The following EXTL3 variants were observed in gnomAD, a reference collection of about 807,000 sequenced individuals.
EXTL3 encodes the protein exostosin-like 3.
Under a neutral mutation model 69.3 loss-of-function variants are expected in EXTL3, and 27 were observed. The observed-to-expected ratio is 0.39, with a 90% CI of 0.29 to 0.54. The LOEUF (loss-of-function observed/expected upper bound fraction) is 0.54. Among genes scored for constraint, EXTL3 ranks in the 20% least tolerant of loss-of-function variants. The pLI is 0.69. For missense variants in EXTL3, 1,003 were observed against 1,231.8 expected, an observed-to-expected ratio of 0.81 and a Z score of 2.78; for synonymous variants, 511 against 499.4, an observed-to-expected ratio of 1.02 and a Z score of -0.31.
In EXTL3 at chr8:28,674,977, C is replaced by T. The variant is rs569078094; in HGVS notation, c.-52-38480C>T. ...CACCCCACCACTCCTCTTTGTTAGA[C>T]TTCAGTCCAGCAGCCCCTGAAGATG... On this transcript the variant is annotated intron_variant, in intron 1 of 6. Transcript: ENST00000523149. Among the ~76,000 whole-genome samples the T allele has an allele frequency of 2.0e-5, 3 of 152,304 alleles. No homozygotes were observed. The South Asian group carries it at 6.2e-4, about 32-fold the overall frequency.
intron 1 of EXTL3, among the ~76,000 whole-genome samples, chr8:28,632,740 G>A (rs890860440): frequency 2.0e-5 from 3 of 151,714 alleles, no homozygotes; most frequent in African/African-American, 7.3e-5. Context: ...TTTTAGTAGA[G>A]ACGGGGTTTC....
chr8:28,678,658 C>G (rs559147172), intron 1 of EXTL3, among the ~76,000 whole-genome samples: 19 of 152,258 alleles, frequency 1.2e-4, no homozygotes, highest in Non-Finnish European at 1.9e-4. Context: ...CCAAATAAAC[C>G]TTTTTTTCTT....
At chr8:28,669,990 C>T (rs1807259687) in intron 1 of EXTL3, among the ~76,000 whole-genome samples, 1 of 152,048 alleles carries the variant, frequency 6.6e-6, no homozygotes, top group South Asian at 2.1e-4. Context: ...AGGTGGATCA[C>T]CTGAGCCCAG....
intron 1 of EXTL3, among the ~76,000 whole-genome samples, chr8:28,650,546 C>T (rs971470997): frequency 2.6e-5 from 4 of 151,952 alleles, no homozygotes; most frequent in South Asian, 4.2e-4. Flanking sequence ...GTAGTAGAGA[C>T]GGGGTTTCAC....
chr8:28,745,306 G>A (rs7001199), intron 6 of EXTL3, among the ~76,000 whole-genome samples: 5,132 of 152,306 alleles, frequency 0.034, 277 homozygotes, highest in African/African-American at 0.12. Context: ...TGGCCCCTGC[G>A]TAGGATGTCA....
chr8:28,755,275 C>T lies in EXTL3; in HGVS notation c.*4409C>T, dbSNP rs1207953458. The T allele has an allele frequency of 6.6e-6, 1 of 152,468 alleles. No homozygotes were observed. The highest frequency in any genetic ancestry group is 6.5e-5 in the Admixed American group (1 of 15,286). 9.4% of individuals were successfully genotyped at this position (152,468 alleles called of 1,614,324 possible). A position where few individuals can be genotyped will look rare whatever the true frequency, so the allele number is the denominator to read the frequency against. On this transcript the variant is annotated 3_prime_UTR_variant, in exon 7 of 7. Transcript: ENST00000220562. ...TCCTATTAGAGCCCCCACGCTCTGT[C>T]GCCTCACCATGCTGTGTGCTGGCCA...
intron 1 of EXTL3, among the ~76,000 whole-genome samples, chr8:28,701,878 A>G (rs922202468): frequency 9.5e-4 from 144 of 152,114 alleles, no homozygotes; most frequent in African/African-American, 3.2e-3. Flanking sequence ...AGAGGCCGCC[A>G]GGCCCTCGGC....
intron 1 of EXTL3, among the ~76,000 whole-genome samples, chr8:28,641,280 C>T (rs1454152968): frequency 6.6e-6 from 1 of 152,210 alleles, no homozygotes; most frequent in East Asian, 1.9e-4. Flanking sequence ...CTGTATTAAC[C>T]GTTCCCTATT....
intron 1 of EXTL3, among the ~76,000 whole-genome samples, chr8:28,641,313 TCA>T (rs1491558315): frequency 6.6e-6 from 1 of 152,200 alleles, no homozygotes; most frequent in African/African-American, 2.4e-5. Context: ...TTTACAGGAC[TCA>T]CTGTTAACTT....
chr8:28,609,188 A>G (rs1806240993), intron 2 of EXTL3, among the ~76,000 whole-genome samples: 1 of 152,122 alleles, frequency 6.6e-6, no homozygotes, highest in Non-Finnish European at 1.5e-5. Context: ...GAGTGGGTAC[A>G]GTTGAGTTAG....
At chr8:28,664,855 T>C (rs1807169996) in intron 1 of EXTL3, among the ~76,000 whole-genome samples, 1 of 152,126 alleles carries the variant, frequency 6.6e-6, no homozygotes, top group African/African-American at 2.4e-5. Flanking sequence ...CAGCAGTCAG[T>C]GGACATTGTA....
chr8:28,612,205 G>A (rs1806281019), intron 2 of EXTL3, among the ~76,000 whole-genome samples: 1 of 152,194 alleles, frequency 6.6e-6, no homozygotes, highest in Admixed American at 6.5e-5. Flanking sequence ...TGTAATCCCA[G>A]CACTTTGGAA....
At chr8:28,642,804 T>C (rs1280233968) in intron 1 of EXTL3, among the ~76,000 whole-genome samples, 1 of 152,166 alleles carries the variant, frequency 6.6e-6, no homozygotes, top group Non-Finnish European at 1.5e-5. Context: ...AAAATTGACA[T>C]GCAGAAAATT....
intron 1 of EXTL3, among the ~76,000 whole-genome samples, chr8:28,695,546 T>G (rs186216470): frequency 7.9e-5 from 12 of 152,374 alleles, no homozygotes; most frequent in African/African-American, 2.9e-4. Context: ...CTCTCTATGC[T>G]GACTCTATTT....
intron 6 of EXTL3, among the ~76,000 whole-genome samples, chr8:28,746,591 G>A (rs1801893383): frequency 6.6e-6 from 1 of 152,102 alleles, no homozygotes; most frequent in South Asian, 2.1e-4. Flanking sequence ...TATTATAGTT[G>A]CTTCATTCTT....
rs1456641687 is a variant in EXTL3 at position 28,717,090 on chromosome 8, C to T, written c.1031C>T (p.Thr344Ile). Residue 344 changes from threonine to isoleucine, a missense_variant, in exon 3 of 7, where the codon ACC (threonine) becomes ATC (isoleucine). Thr to Ile is a moderately conservative substitution (Grantham distance 89). Transcript: ENST00000220562. This position sits in a 1 kb window ranked among gnomAD's most constrained non-coding sequence, Gnocchi z 8.3. ...QVPVKRKYLF[T>I]FQGEKIESLR... The stretch of plus-strand genomic sequence containing the variant: ...CCGGTGAAGCGGAAATATCTCTTCA[C>T]CTTCCAGGGCGAGAAGATTGAGTCT... 3.1e-6 allele frequency: 5 copies of T among 1,614,124 alleles called. No individual in the cohort carries two copies. In the East Asian group the frequency reaches 6.7e-5, roughly 22 times the overall value.
chr8:28,648,913 A>G lies in EXTL3; in HGVS notation c.-53+26103A>G, dbSNP rs1270772412. 7.9e-5 allele frequency among the ~76,000 whole-genome samples: 12 copies of G among 152,074 alleles called. No homozygotes were observed. In the East Asian group the frequency reaches 2.1e-3, roughly 27 times the overall value. ...TTTTGGTTTGTTTGTTTGTTTGTTGAGACAGAGTCTTACTCTGTCGCCCAG... is the reference window on the plus strand; with the variant it reads ...TTTTGGTTTGTTTGTTTGTTTGTTGGGACAGAGTCTTACTCTGTCGCCCAG... On this transcript the variant is annotated intron_variant, in intron 1 of 6. Coordinates refer to the EXTL3 transcript ENST00000523149.
intron 1 of EXTL3, among the ~76,000 whole-genome samples, chr8:28,680,395 A>C (rs1328497706): frequency 6.6e-6 from 1 of 152,108 alleles, no homozygotes; most frequent in East Asian, 1.9e-4. Flanking sequence ...CAAAAAAAAA[A>C]AAAAAAAAAA....
chr8:28,668,467 G>T (rs1807234198), intron 1 of EXTL3, among the ~76,000 whole-genome samples: 1 of 151,566 alleles, frequency 6.6e-6, no homozygotes, highest in Non-Finnish European at 1.5e-5. Context: ...CAGTAGCTGG[G>T]ATTACAGCCA....
Sources: allele counts gnomAD v4.1 joint callset (sites outside exome capture counted in the v4.1 genomes callset), GRCh38; gene constraint gnomAD v4.1.1; non-coding constraint Gnocchi (gnomAD v3.1); transcripts MANE v1.5; gene names NCBI Gene and HGNC (gene_info 2026-07-23, HGNC 2026-07-21).